Variants in TBC1D22A observed in about 807,000 individuals in gnomAD.
The protein encoded by TBC1D22A is TBC1 domain family member 22A.
TBC1D22A carries 38 observed loss-of-function variants against 60.2 expected under a neutral mutation model. The ratio of observed to expected loss-of-function variants is 0.63; its 90% confidence interval spans 0.49 to 0.83. TBC1D22A has a LOEUF of 0.83. Among genes scored for constraint, TBC1D22A ranks in the 40% least tolerant of loss-of-function variants. The probability of loss-of-function intolerance (pLI) is 0.00; values close to 1 mark genes in which losing one functional copy is unlikely to be tolerated. For missense variants in TBC1D22A, 628 were observed against 701.0 expected (o/e 0.90, Z 1.18); for synonymous variants, 302 against 281.7 (o/e 1.07, Z -0.72).
intron 12 of TBC1D22A, among the ~76,000 whole-genome samples, chr22:47,130,011 C>T (rs73889413): frequency 0.013 from 1,909 of 152,334 alleles, 45 homozygotes; most frequent in African/African-American, 0.04. Context: ...CCCTCGTGCC[C>T]GGCCCTTCCT....
At chr22:47,157,039 G>A (rs1241404002) in intron 12 of TBC1D22A, among the ~76,000 whole-genome samples, 1 of 152,216 alleles carries the variant, frequency 6.6e-6, no homozygotes, top group East Asian at 1.9e-4. Context: ...TGGAGGGGCA[G>A]TGGCCAGGCA....
At chr22:46,834,853 C>T (rs73468752) in intron 4 of TBC1D22A, among the ~76,000 whole-genome samples, 1,832 of 152,314 alleles carry the variant, frequency 0.012, 45 homozygotes, top group African/African-American at 0.037. Context: ...CCCCTGTAGA[C>T]AGCACGTGAG....
At chr22:46,771,835 TCCAC>T (rs2083490076) in intron 1 of TBC1D22A, among the ~76,000 whole-genome samples, 1 of 152,036 alleles carries the variant, frequency 6.6e-6, no homozygotes, top group Non-Finnish European at 1.5e-5. Flanking sequence ...CCTCAAGTGA[TCCAC>T]CCGCCTCGGC....
At chr22:46,799,748 C>T (rs982857454) in intron 4 of TBC1D22A, among the ~76,000 whole-genome samples, 1 of 152,216 alleles carries the variant, frequency 6.6e-6, no homozygotes, top group African/African-American at 2.4e-5. Flanking sequence ...TTGTGCTTGT[C>T]TGATGTTTGC....
intron 11 of TBC1D22A, among the ~76,000 whole-genome samples, chr22:47,101,585 G>C (rs2065418945): frequency 1.3e-5 from 2 of 152,230 alleles, no homozygotes; most frequent in Admixed American, 1.3e-4. Flanking sequence ...TACTCAGACG[G>C]GACATGCTTG....
At chr22:47,008,247 T>G (rs1208229364) in intron 10 of TBC1D22A, among the ~76,000 whole-genome samples, 3 of 152,256 alleles carry the variant, frequency 2.0e-5, no homozygotes, top group Non-Finnish European at 4.4e-5. Context: ...ATGTTTGTTA[T>G]GTTTGTTCTG....
chr22:47,170,805 C>T (rs1387250739), intron 12 of TBC1D22A, among the ~76,000 whole-genome samples: 2 of 104,488 alleles, frequency 1.9e-5, no homozygotes, highest in African/African-American at 4.0e-5. Context: ...CCTCCTGATG[C>T]AGGACCGGAG....
rs1384613713 is a variant in TBC1D22A, at chr22:47,173,810, G to C, written c.*184G>C. The C allele has an allele frequency of 1.7e-5, 17 of 995,896 alleles. No homozygotes were observed. In the South Asian group the frequency reaches 1.9e-4, roughly 11 times the overall value. The allele number at this position is 995,896 out of a possible 1,614,324, so 61.7% of individuals were successfully genotyped here. On this transcript the variant is annotated 3_prime_UTR_variant, in exon 13 of 13. Coordinates refer to ENST00000337137, the MANE Select transcript of TBC1D22A (RefSeq NM_014346.5). ...TCTAGGGCTGACAAAGACAGGGACA[G>C]CCTTTGTTTTCTGAGATACCAAAGA... is the stretch of plus-strand genomic sequence containing the variant.
At position 47,168,976 on chromosome 22, in the gene TBC1D22A, CGGGAGCCTCACCTGCCCTCCGGCATT is replaced by C. The variant is rs529055690; in HGVS notation, c.1426-4507_1426-4482del. On this transcript the variant is annotated intron_variant, in intron 12 of 12. Coordinates refer to ENST00000337137, the MANE Select transcript of TBC1D22A (RefSeq NM_014346.5). ...GGGAGCCTCGTCTGCTCTTCGGCATCGGGAGCCTCACCTGCCCTCCGGCATTGGGAGCCTCACCTGTTGGAACCCGC... is the reference window on the plus strand; with the variant it reads ...GGGAGCCTCGTCTGCTCTTCGGCATCGGGAGCCTCACCTGTTGGAACCCGC... Among the ~76,000 whole-genome samples the C allele has an allele frequency of 3.6e-3, 542 of 151,846 alleles. 1 individual carries two copies. Among genetic ancestry groups the C allele is most frequent in the African/African-American group, 0.013 (525 of 41,396 alleles).
At chr22:46,828,983 A>G (rs1354058715) in intron 4 of TBC1D22A, among the ~76,000 whole-genome samples, 1 of 152,178 alleles carries the variant, frequency 6.6e-6, no homozygotes, top group East Asian at 1.9e-4. Flanking sequence ...GATACAGTAA[A>G]CAAAGTCCTT....
intron 4 of TBC1D22A, among the ~76,000 whole-genome samples, chr22:46,837,714 A>T (rs2086582178): frequency 6.6e-6 from 1 of 152,228 alleles, no homozygotes; most frequent in East Asian, 1.9e-4. Context: ...CACTTCTCAG[A>T]TACAGCAAAA....
Position 46,787,340 on chromosome 22 carries a change from G to A in TBC1D22A, c.63-5180G>A, listed in dbSNP as rs191715941. Among the ~76,000 whole-genome samples the A allele has an allele frequency of 4.1e-4, 62 of 152,194 alleles. No individual in the cohort carries two copies. In the East Asian group the frequency reaches 0.011, roughly 26 times the overall value. ...CAGACCAGCAGCTTTCTGTGTCTCC[G>A]TGGAGTCCTGCTATGGTTCTGGGAG... On this transcript the variant is annotated intron_variant, in intron 1 of 12. Transcript: ENST00000337137.
chr22:47,098,914 C>T (rs1017085024), intron 11 of TBC1D22A, among the ~76,000 whole-genome samples: 1 of 152,150 alleles, frequency 6.6e-6, no homozygotes, highest in African/African-American at 2.4e-5. Context: ...AGCCTGCAGG[C>T]GTAGGGGGCA....
Position 47,075,415 on chromosome 22 carries a change from G to A in TBC1D22A, c.1330-36093G>A, listed in dbSNP as rs112588306. 4.4e-3 allele frequency among the ~76,000 whole-genome samples: 677 copies of A among 152,228 alleles called. 10 individuals carry two copies. Among genetic ancestry groups the A allele is most frequent in the African/African-American group, 0.016 (652 of 41,540 alleles). On this transcript the variant is annotated intron_variant, in intron 11 of 12. Transcript: ENST00000337137. ...AACAGACTTTCAGCCAGGTGAGGGG[G>A]CCCATGCCTGTAATCCCAGCATCTT...
At chr22:47,065,639 G>A (rs2063733220) in intron 11 of TBC1D22A, among the ~76,000 whole-genome samples, 1 of 152,282 alleles carries the variant, frequency 6.6e-6, no homozygotes, top group Non-Finnish European at 1.5e-5. Flanking sequence ...CCTCGGAGTT[G>A]GGACTGGGTT....
At chr22:46,916,720 G>A (rs1488600832) in intron 8 of TBC1D22A, among the ~76,000 whole-genome samples, 1 of 152,236 alleles carries the variant, frequency 6.6e-6, no homozygotes, top group Non-Finnish European at 1.5e-5. Flanking sequence ...TGGAGAAAGA[G>A]GTCAAGCGAT....
intron 1 of TBC1D22A, among the ~76,000 whole-genome samples, chr22:46,791,627 C>T (rs554865586): frequency 3.3e-5 from 5 of 151,610 alleles, no homozygotes; most frequent in East Asian, 1.9e-4. Context: ...CCGTGGCTGA[C>T]GTCAGCCAAA....
At chr22:46,941,679 G>A (rs1345140381) in intron 8 of TBC1D22A, among the ~76,000 whole-genome samples, 1 of 146,354 alleles carries the variant, frequency 6.8e-6, no homozygotes, top group Non-Finnish European at 1.5e-5. Flanking sequence ...ATATATATAC[G>A]GAATATATAT....
intron 4 of TBC1D22A, among the ~76,000 whole-genome samples, chr22:46,822,953 C>G (rs1398831981): frequency 1.3e-5 from 2 of 152,040 alleles, no homozygotes; most frequent in East Asian, 3.9e-4. Flanking sequence ...AGCCAGAGAC[C>G]CCATCATTCC....
Sources: allele counts gnomAD v4.1 joint callset (sites outside exome capture counted in the v4.1 genomes callset), GRCh38; gene constraint gnomAD v4.1.1; transcripts MANE v1.5; gene names NCBI Gene and HGNC (gene_info 2026-07-23, HGNC 2026-07-21).